FAR1: variants seen among roughly 807,000 people sequenced by gnomAD.
The protein encoded by FAR1 is fatty acyl-CoA reductase 1.
In FAR1, 22 loss-of-function variants were observed where a neutral mutation model predicts 61.1. The observed-to-expected ratio is 0.36, with a 90% CI of 0.26 to 0.51. The LOEUF (loss-of-function observed/expected upper bound fraction) is 0.51, where lower values mean the gene tolerates loss of function less well. FAR1 is among the 20% of genes least tolerant of loss of function. FAR1 has a pLI of 0.95. For missense variants in FAR1, 359 were observed against 626.9 expected (o/e 0.57, Z 4.56); for synonymous variants, 206 against 209.7 (o/e 0.98, Z 0.15).
intron 1 of FAR1, among the ~76,000 whole-genome samples, chr11:13,684,630 A>T (rs927982111): frequency 6.6e-6 from 1 of 152,158 alleles, no homozygotes; most frequent in Non-Finnish European, 1.5e-5. Context: ...AGGGATTTCT[A>T]TTGTGTCTTG....
At chr11:13,690,833 C>A (rs1848241534) in intron 1 of FAR1, among the ~76,000 whole-genome samples, 1 of 152,126 alleles carries the variant, frequency 6.6e-6, no homozygotes, top group East Asian at 1.9e-4. Context: ...GTCTTCCAAT[C>A]TAGGAATATA....
intron 9 of FAR1, among the ~76,000 whole-genome samples, chr11:13,715,029 T>G (rs955020685): frequency 1.3e-5 from 2 of 152,194 alleles, no homozygotes; most frequent in Non-Finnish European, 2.9e-5. Flanking sequence ...AGTATTCAGG[T>G]GCCCCAGTTT....
intron 10 of FAR1, among the ~76,000 whole-genome samples, chr11:13,726,598 A>G (rs1036355579): frequency 6.6e-6 from 1 of 151,512 alleles, no homozygotes; most frequent in African/African-American, 2.4e-5. Flanking sequence ...TCTGACTCTC[A>G]TATGCCTAGA....
chr11:13,710,611 G>A, intron 4 of FAR1, 82 bp from the exon 5 acceptor site: 1 of 1,191,810 alleles, frequency 8.4e-7, no homozygotes. Context: ...AGATATGTTT[G>A]AATGTGCGAA....
At chr11:13,673,279 C>T (rs1222998720) in intron 1 of FAR1, among the ~76,000 whole-genome samples, 1 of 152,162 alleles carries the variant, frequency 6.6e-6, no homozygotes, top group East Asian at 1.9e-4. Flanking sequence ...TCACTTAGCC[C>T]ATAGGGATTC....
intron 1 of FAR1, among the ~76,000 whole-genome samples, chr11:13,681,492 C>G (rs1591255612): frequency 6.6e-6 from 1 of 152,208 alleles, no homozygotes; most frequent in African/African-American, 2.4e-5. Context: ...TTGTAAATCA[C>G]TTGTAGCCAA....
chr11:13,673,482 A>G (rs1220065084), intron 1 of FAR1, among the ~76,000 whole-genome samples: 1 of 152,326 alleles, frequency 6.6e-6, no homozygotes, highest in African/African-American at 2.4e-5. Flanking sequence ...CTGGGATTCA[A>G]ACCTTTCTTT....
chr11:13,712,854 G>C (rs1429869221), intron 7 of FAR1, 112 bp from the exon 8 acceptor site: 1 of 664,076 alleles, frequency 1.5e-6, no homozygotes, highest in Non-Finnish European at 2.5e-6. Context: ...AAAAAAAATA[G>C]TATAGAAAAG....
chr11:13,707,347 A>G (rs1490786570), intron 3 of FAR1, among the ~76,000 whole-genome samples: 1 of 152,140 alleles, frequency 6.6e-6, no homozygotes, highest in African/African-American at 2.4e-5. Context: ...TGAATTTTGT[A>G]GGGTAGCCTT....
At chr11:13,685,372 G>GA (rs1217803447) in intron 1 of FAR1, 2 of 157,176 alleles carry the variant, frequency 1.3e-5, no homozygotes, top group Non-Finnish European at 2.8e-5. Flanking sequence ...CATACAGAGA[G>GA]AAAAAATATA....
rs190754456 is a variant in FAR1, at chr11:13,701,383, T to C, written c.365+891T>C. On this transcript the variant is annotated intron_variant, in intron 3 of 11. Transcript: ENST00000354817. ...GTACGCATCAAAACACCGCTATGTA[T>C]CTCATAAATATGTACAGTTATGATA... 6.6e-5 allele frequency among the ~76,000 whole-genome samples: 10 copies of C among 152,226 alleles called. No homozygotes were observed. In the East Asian group the frequency reaches 1.9e-3, roughly 29 times the overall value.
chr11:13,729,075 T>A lies in FAR1; in HGVS notation c.*301T>A. On this transcript the variant is annotated 3_prime_UTR_variant, in exon 12 of 12. Coordinates refer to ENST00000354817, the MANE Select transcript of FAR1 (RefSeq NM_032228.6). ...GTGGGGAAATAGGAACACTGACCAGTATAACTGTGCAATTCTGGAACATAT... is the reference window on the plus strand; with the variant it reads ...GTGGGGAAATAGGAACACTGACCAGAATAACTGTGCAATTCTGGAACATAT... The A allele has an allele frequency of 4.6e-6, 1 of 217,188 alleles. No individual in the cohort carries two copies. 13.5% of individuals were successfully genotyped at this position (217,188 alleles called of 1,614,324 possible).
chr11:13,684,820 T>C (rs781435553), intron 1 of FAR1, among the ~76,000 whole-genome samples: 2 of 152,226 alleles, frequency 1.3e-5, no homozygotes, highest in Non-Finnish European at 2.9e-5. Context: ...ACCATTCAAG[T>C]TTAAGGCATT....
At chr11:13,681,388 A>G (rs149274616) in intron 1 of FAR1, among the ~76,000 whole-genome samples, 94 of 152,322 alleles carry the variant, frequency 6.2e-4, no homozygotes, top group Non-Finnish European at 1.1e-3. Context: ...GATGGTTGCA[A>G]CAGTATTTTC....
At chr11:13,703,840 T>TC (rs1234483149) in intron 3 of FAR1, among the ~76,000 whole-genome samples, 1 of 151,942 alleles carries the variant, frequency 6.6e-6, no homozygotes, top group Non-Finnish European at 1.5e-5. Flanking sequence ...GGTCAGGAGT[T>TC]CAAGACCAGC....
chr11:13,730,235 T>C lies in FAR1; in HGVS notation c.*1461T>C, dbSNP rs1479266989. 1 of 150,138 alleles carries C rather than the reference T, an allele frequency of 6.7e-6. No individual in the cohort carries two copies. Among genetic ancestry groups the C allele is most frequent in the Non-Finnish European group, 1.5e-5 (1 of 66,972 alleles). 9.3% of individuals were successfully genotyped at this position (150,138 alleles called of 1,614,324 possible). A position where few individuals can be genotyped will look rare whatever the true frequency, so the allele number is the denominator to read the frequency against. On this transcript the variant is annotated 3_prime_UTR_variant, in exon 12 of 12. Coordinates refer to ENST00000354817, the MANE Select transcript of FAR1 (RefSeq NM_032228.6). The stretch of plus-strand genomic sequence containing the variant: ...ATGGAGCTTTACATCTTAACTTTCT[T>C]TGTCAATTTAAATGCAATGTATAAA...
rs1248332890 is a variant in FAR1 at position 13,731,798 on chromosome 11, C to T, written c.*3024C>T. 1 of 152,118 alleles carries T rather than the reference C, an allele frequency of 6.6e-6. No homozygotes were observed. The highest frequency in any genetic ancestry group is 2.4e-5 in the African/African-American group (1 of 41,416). 9.4% of individuals were successfully genotyped at this position (152,118 alleles called of 1,614,324 possible). ...AGGGTGTCATTGGGTTCCAGCTGCTCTCCTCCACATTGAATGATATCTTGT... is the reference window on the plus strand; with the variant it reads ...AGGGTGTCATTGGGTTCCAGCTGCTTTCCTCCACATTGAATGATATCTTGT... On this transcript the variant is annotated 3_prime_UTR_variant, in exon 12 of 12. Coordinates refer to ENST00000354817, the MANE Select transcript of FAR1 (RefSeq NM_032228.6).
At chr11:13,722,070 G>T (rs1848615616) in intron 10 of FAR1, among the ~76,000 whole-genome samples, 1 of 152,098 alleles carries the variant, frequency 6.6e-6, no homozygotes, top group East Asian at 1.9e-4. Flanking sequence ...AGTGGCAAAG[G>T]TATTTTCAAA....
chr11:13,708,364 A>T (rs576478664), intron 4 of FAR1, among the ~76,000 whole-genome samples: 5 of 151,544 alleles, frequency 3.3e-5, no homozygotes, highest in Admixed American at 2.6e-4. Flanking sequence ...TCTCAAAAAA[A>T]CAAAAAACAA....
Sources: allele counts gnomAD v4.1 joint callset (sites outside exome capture counted in the v4.1 genomes callset), GRCh38; gene constraint gnomAD v4.1.1; transcripts MANE v1.5; gene names NCBI Gene and HGNC (gene_info 2026-07-23, HGNC 2026-07-21).